The following NHSL2 variants were observed in gnomAD, a reference collection of about 807,000 sequenced individuals.
The protein encoded by NHSL2 is NHS like 2, also known as NHS-like protein 2.
Under a neutral mutation model 53.4 loss-of-function variants are expected in NHSL2, and 27 were observed. The observed-to-expected ratio is 0.51, with a 90% CI of 0.37 to 0.70. The LOEUF (loss-of-function observed/expected upper bound fraction) is 0.70, where lower values mean the gene tolerates loss of function less well. Ranked by LOEUF, NHSL2 falls within the 30% of genes least tolerant of loss-of-function variation. The probability of loss-of-function intolerance (pLI) is 0.00; values close to 1 mark genes in which losing one functional copy is unlikely to be tolerated. For missense variants in NHSL2, 892 were observed against 980.1 expected, an observed-to-expected ratio of 0.91 and a Z score of 1.20; for synonymous variants, 408 against 404.1, an observed-to-expected ratio of 1.01 and a Z score of -0.12.
Position 72,138,974 on chromosome X carries a change from C to T in NHSL2, c.1426C>T (p.Leu476Phe). Residue 476 changes from leucine (L) to phenylalanine (F), a missense_variant, in exon 6 of 8, where the codon CTT (leucine) becomes TTT (phenylalanine). Transcript: ENST00000633930. ...GCCCGAAAGACCCTCCAAGATTGGC[C>T]TTCTGACCAGTGGGACCTCGAGGCT... ...HMPERPSKIG[L>F]LTSGTSRLET... The T allele has an allele frequency of 2.5e-6, 3 of 1,199,103 alleles. No individual in the cohort carries two copies. Among genetic ancestry groups the T allele is most frequent in the Non-Finnish European group, 3.4e-6 (3 of 888,871 alleles).
Position 72,126,001 on chromosome X carries a change from G to A in NHSL2, c.281-6078G>A, listed in dbSNP as rs942945582. ...GAATGTATATGGGTTTGGGAGTCACGAAGACCTGGAGTCCCCCATATGACC... is the reference window on the plus strand; with the variant it reads ...GAATGTATATGGGTTTGGGAGTCACAAAGACCTGGAGTCCCCCATATGACC... On this transcript the variant is annotated intron_variant, in intron 1 of 7. Coordinates refer to ENST00000633930, the MANE Select transcript of NHSL2 (RefSeq NM_001013627.3). Among the ~76,000 whole-genome samples, 10 of 112,014 alleles carry A rather than the reference G, an allele frequency of 8.9e-5. No homozygotes were observed. The South Asian group carries it at 1.9e-3, about 21-fold the overall frequency.
chrX:72,029,448 A>G lies in NHSL2; in HGVS notation c.281-102631A>G, dbSNP rs151278192. On this transcript the variant is annotated intron_variant, in intron 1 of 7. Coordinates refer to ENST00000633930, the MANE Select transcript of NHSL2 (RefSeq NM_001013627.3). Reference sequence around the variant, plus strand: ...CTGAACTGGGCTTATCTAAAGGGTTATTTGTGAGCCTGGAAAAGGGATAGG... The same window carrying G: ...CTGAACTGGGCTTATCTAAAGGGTTGTTTGTGAGCCTGGAAAAGGGATAGG... 8.0e-5 allele frequency among the ~76,000 whole-genome samples: 9 copies of G among 112,580 alleles called. No homozygotes were observed. In the East Asian group the frequency reaches 2.2e-3, roughly 28 times the overall value.
At position 72,132,105 on chromosome X, in the gene NHSL2, G is replaced by A. The variant is rs1392986455; in HGVS notation, c.307G>A (p.Ala103Thr). The A allele has an allele frequency of 2.6e-6, 3 of 1,167,011 alleles. No individual in the cohort carries two copies. In the Admixed American group the frequency reaches 7.7e-5, roughly 30 times the overall value. ...TGCAGCTAACTCGGGTCGGGAAAAT[G>A]CGACAGCGACTGCCCACTCGAGGTC... ...LAAANSGREN[A>T]TATAHSRSSW... Residue 103 changes from alanine (A) to threonine (T), a missense_variant, in exon 2 of 8, where the codon GCG becomes ACG. Coordinates refer to ENST00000633930, the MANE Select transcript of NHSL2 (RefSeq NM_001013627.3).
At chrX:71,954,249 G>A (rs2041833094) in intron 1 of NHSL2, among the ~76,000 whole-genome samples, 1 of 111,685 alleles carries the variant, frequency 9.0e-6, no homozygotes, top group Non-Finnish European at 1.9e-5. Flanking sequence ...CAGCCCAGTA[G>A]GTGTCATTTG....
intron 1 of NHSL2, among the ~76,000 whole-genome samples, chrX:71,929,177 G>A (rs923726262): frequency 8.9e-6 from 1 of 112,063 alleles, no homozygotes; most frequent in Non-Finnish European, 1.9e-5. Context: ...TTAAGCATGA[G>A]ATAAAATACC....
At chrX:71,958,300 T>C (rs1257889353) in intron 1 of NHSL2, among the ~76,000 whole-genome samples, 2 of 112,006 alleles carry the variant, frequency 1.8e-5, no homozygotes, top group Non-Finnish European at 3.8e-5. Flanking sequence ...TTAGCTGGGC[T>C]GCTTGCTGGC....
At chrX:72,032,994 T>C (rs2042223441) in intron 1 of NHSL2, among the ~76,000 whole-genome samples, 1 of 112,403 alleles carries the variant, frequency 8.9e-6, no homozygotes, top group Non-Finnish European at 1.9e-5. Flanking sequence ...TGTAGCTCTA[T>C]AGTAGGCTTT....
intron 1 of NHSL2, among the ~76,000 whole-genome samples, chrX:72,003,754 C>T (rs746559080): frequency 3.7e-4 from 41 of 111,608 alleles, no homozygotes; most frequent in Non-Finnish European, 6.4e-4. Flanking sequence ...CTCTGTATTG[C>T]GGGCCTGACA....
chrX:71,990,764 C>T (rs1035180518), intron 1 of NHSL2, among the ~76,000 whole-genome samples: 1 of 112,139 alleles, frequency 8.9e-6, no homozygotes, highest in African/African-American at 3.2e-5. Context: ...TCAGACTTCC[C>T]CAAGGCTTCT....
At position 71,950,254 on chromosome X, in the gene NHSL2, C is replaced by A. The variant is rs193128390; in HGVS notation, c.280+38887C>A. On this transcript the variant is annotated intron_variant, in intron 1 of 7. Transcript: ENST00000633930. ...GGCCCAGGCAAGAGGCAAAGGATAA[C>A]TTCCAGAAAAAGAGAAAGCCCATGA... 4.7e-3 allele frequency among the ~76,000 whole-genome samples: 526 copies of A among 112,947 alleles called. 3 individuals are homozygous for A. The highest frequency in any genetic ancestry group is 0.016 in the African/African-American group (493 of 31,175).
At chrX:72,069,863 G>T (rs2042456768) in intron 1 of NHSL2, 2 of 333,517 alleles carry the variant, frequency 6.0e-6, no homozygotes, top group Non-Finnish European at 9.7e-6. Flanking sequence ...CTGGCAGGGG[G>T]CAGGGAGAGA....
At chrX:71,988,929 G>A (rs1219686150) in intron 1 of NHSL2, among the ~76,000 whole-genome samples, 1 of 112,120 alleles carries the variant, frequency 8.9e-6, no homozygotes, top group Non-Finnish European at 1.9e-5. Context: ...TGCCAAGCTA[G>A]TTAAAGATTT....
chrX:72,127,288 C>T (rs1287000999), intron 1 of NHSL2: 2 of 79,516 alleles, frequency 2.5e-5, no homozygotes, highest in African/African-American at 9.6e-5. Flanking sequence ...CCCCCCACCC[C>T]TCTTTCAACC....
At chrX:72,081,085 A>T in intron 1 of NHSL2, among the ~76,000 whole-genome samples, 1 of 112,621 alleles carries the variant, frequency 8.9e-6, no homozygotes, top group East Asian at 2.8e-4. Context: ...CTGGAGTTTT[A>T]GTTGGCCCTT....
At chrX:72,003,964 A>C (rs1490469151) in intron 1 of NHSL2, among the ~76,000 whole-genome samples, 2 of 111,853 alleles carry the variant, frequency 1.8e-5, no homozygotes, top group African/African-American at 6.5e-5. Flanking sequence ...CACTTCACAC[A>C]TGAGGAAACT....
intron 1 of NHSL2, among the ~76,000 whole-genome samples, chrX:72,103,216 T>G (rs2042010494): frequency 9.0e-6 from 1 of 111,342 alleles, no homozygotes. Flanking sequence ...GTGGCCACAG[T>G]GGAGGGAGTG....
rs1391458534 is a variant in NHSL2 at position 72,150,542 on chromosome X, G to A, written c.*6968G>A. The stretch of plus-strand genomic sequence containing the variant: ...TGGCTTGATATTCTGTCAATCCCTG[G>A]GCTCAAATTCCAGCTCCATCTTATC... On this transcript the variant is annotated 3_prime_UTR_variant, in exon 8 of 8. Transcript: ENST00000633930. 1 of 111,821 alleles carries A rather than the reference G, an allele frequency of 8.9e-6. No homozygotes were observed. The highest frequency in any genetic ancestry group is 3.3e-5 in the African/African-American group (1 of 30,728). The allele number at this position is 111,821 out of a possible 1,213,427, so 9.2% of individuals were successfully genotyped here.
Position 72,151,321 on chromosome X carries a change from G to C in NHSL2, c.*7747G>C, listed in dbSNP as rs1350957169. On this transcript the variant is annotated 3_prime_UTR_variant, in exon 8 of 8. Transcript: ENST00000633930. The stretch of plus-strand genomic sequence containing the variant: ...TTACAGGTGTGAGCTACCGCACCCT[G>C]CCAATATAAACTATTCTTAGCTCAT... 1 of 111,519 alleles carries C rather than the reference G, an allele frequency of 9.0e-6. No individual in the cohort carries two copies. Among genetic ancestry groups the C allele is most frequent in the African/African-American group, 3.3e-5 (1 of 30,656 alleles). The allele number at this position is 111,519 out of a possible 1,213,427, so 9.2% of individuals were successfully genotyped here.
At chrX:72,030,905 A>G (rs762414526) in intron 1 of NHSL2, among the ~76,000 whole-genome samples, 5 of 111,883 alleles carry the variant, frequency 4.5e-5, no homozygotes, top group Non-Finnish European at 9.4e-5. Context: ...TGCAGGTAGG[A>G]GTGGGCTCCC....
Sources: allele counts gnomAD v4.1 joint callset (sites outside exome capture counted in the v4.1 genomes callset), GRCh38; gene constraint gnomAD v4.1.1; transcripts MANE v1.5; gene names NCBI Gene and HGNC (gene_info 2026-07-23, HGNC 2026-07-21).